The following ERN1 variants were observed in gnomAD, a reference collection of about 807,000 sequenced individuals.
The protein encoded by ERN1 is serine/threonine-protein kinase/endoribonuclease IRE1.
Under a neutral mutation model 113.1 loss-of-function variants are expected in ERN1, and 39 were observed. The observed-to-expected ratio is 0.34, with a 90% CI of 0.27 to 0.45. The LOEUF (loss-of-function observed/expected upper bound fraction) is 0.45, where lower values mean the gene tolerates loss of function less well. Ranked by LOEUF, ERN1 falls within the 20% of genes least tolerant of loss-of-function variation. The pLI, the probability that ERN1 is intolerant of heterozygous loss-of-function variation, is 1.00. For missense variants in ERN1, 976 were observed against 1,274.8 expected, an observed-to-expected ratio of 0.77 and a Z score of 3.57; for synonymous variants, 507 against 515.9, an observed-to-expected ratio of 0.98 and a Z score of 0.23.
intron 4 of ERN1, 60 bp from the exon 5 acceptor site, chr17:64,075,307 T>G (rs1913559357): frequency 5.8e-6 from 8 of 1,384,526 alleles, no homozygotes; most frequent in Non-Finnish European, 7.7e-6. Context: ...ATTATTACAA[T>G]TTTACCAGGC....
At chr17:64,046,735 G>C (rs752153551) in intron 19 of ERN1, among the ~76,000 whole-genome samples, 1 of 152,214 alleles carries the variant, frequency 6.6e-6, no homozygotes, top group Non-Finnish European at 1.5e-5. Context: ...TCAGACCCCA[G>C]GAGAGCATGA....
At chr17:64,074,568 C>T (rs1438942609) in intron 5 of ERN1, among the ~76,000 whole-genome samples, 1 of 152,192 alleles carries the variant, frequency 6.6e-6, no homozygotes, top group East Asian at 1.9e-4. Flanking sequence ...ACTTTCAGTT[C>T]CTCAAAAAGA....
intron 9 of ERN1, 76 bp from the exon 10 acceptor site, chr17:64,064,227 T>C (rs1158614649): frequency 1.9e-5 from 28 of 1,462,634 alleles, no homozygotes; most frequent in Non-Finnish European, 2.5e-5. Context: ...CCAGCCACTG[T>C]CCTGAAAGGT....
chr17:64,113,803 C>T (rs1914734885), intron 1 of ERN1, among the ~76,000 whole-genome samples: 1 of 152,168 alleles, frequency 6.6e-6, no homozygotes, highest in East Asian at 1.9e-4. Flanking sequence ...CTGCCTCAGC[C>T]TCCCGAGTAG....
At chr17:64,112,279 A>C (rs1446287024) in intron 1 of ERN1, among the ~76,000 whole-genome samples, 1 of 151,928 alleles carries the variant, frequency 6.6e-6, no homozygotes, top group Non-Finnish European at 1.5e-5. Context: ...GAGGCAGGAG[A>C]ATCACTTGAA....
At chr17:64,058,763 A>G (rs972739825) in intron 11 of ERN1, among the ~76,000 whole-genome samples, 1 of 152,092 alleles carries the variant, frequency 6.6e-6, no homozygotes, top group Non-Finnish European at 1.5e-5. Context: ...TGAATTTCCC[A>G]CATGCTAAAC....
intron 2 of ERN1, among the ~76,000 whole-genome samples, chr17:64,094,463 T>C (rs1418711805): frequency 6.6e-6 from 1 of 152,208 alleles, no homozygotes; most frequent in Non-Finnish European, 1.5e-5. Flanking sequence ...TTACTGACTA[T>C]AAATTTTGTT....
In ERN1 at chr17:64,040,208, G is replaced by C. The variant is rs114382118; in HGVS notation, c.*3780C>G. The C allele has an allele frequency of 6.6e-6, 1 of 152,164 alleles. No individual in the cohort carries two copies. Among genetic ancestry groups the C allele is most frequent in the Non-Finnish European group, 1.5e-5 (1 of 68,048 alleles). The allele number at this position is 152,164 out of a possible 1,614,324, so 9.4% of individuals were successfully genotyped here. A position where few individuals can be genotyped will look rare whatever the true frequency, so the allele number is the denominator to read the frequency against. ...CACTAAAAGAGCAGAGAGAGAAAGC[G>C]ACATGGGGGACTTAAAGAGGCTCCT... On this transcript the variant is annotated 3_prime_UTR_variant, in exon 22 of 22. Coordinates refer to ENST00000433197, the MANE Select transcript of ERN1 (RefSeq NM_001433.5).
At chr17:64,102,757 C>T (rs1200095000) in intron 1 of ERN1, 1 of 985,272 alleles carries the variant, frequency 1.0e-6, no homozygotes, top group East Asian at 1.1e-4. Flanking sequence ...GCTCACTTTT[C>T]TCTACAAGCA....
chr17:64,091,423 T>C (rs1914085866), intron 2 of ERN1, among the ~76,000 whole-genome samples: 1 of 152,188 alleles, frequency 6.6e-6, no homozygotes, highest in Non-Finnish European at 1.5e-5. Flanking sequence ...TCAAGTGCCT[T>C]GGACATTTAC....
rs1912792854 is a variant in ERN1, at chr17:64,054,527, T to G, written c.1764-88A>C. The stretch of plus-strand genomic sequence containing the variant: ...AGAACCTGGGTCCACAGCATTCACC[T>G]ACTGCCTCCCAGCCTAGAGAGCCCC... On this transcript the variant is annotated intron_variant, in intron 14 of 21. Transcript: ENST00000433197. The surrounding 1 kb of genome is among the most constrained non-coding windows in gnomAD (Gnocchi z 4.9). 3 of 1,307,502 alleles carry G rather than the reference T, an allele frequency of 2.3e-6. No homozygotes were observed. The Admixed American group carries it at 6.5e-5, about 28-fold the overall frequency. The allele number at this position is 1,307,502 out of a possible 1,614,324, so 81.0% of individuals were successfully genotyped here. A position where few individuals can be genotyped will look rare whatever the true frequency, so the allele number is the denominator to read the frequency against.
At chr17:64,045,649 G>A (rs1912489997) in intron 19 of ERN1, among the ~76,000 whole-genome samples, 167 bp from the exon 20 acceptor site, 1 of 152,118 alleles carries the variant, frequency 6.6e-6, no homozygotes. Context: ...CCTGTGAGCT[G>A]CTCTGTTCCT....
intron 1 of ERN1, among the ~76,000 whole-genome samples, chr17:64,119,182 TTAAA>T (rs1914885834): frequency 6.6e-6 from 1 of 152,002 alleles, no homozygotes; most frequent in South Asian, 2.1e-4. Context: ...TCGGGTAACT[TTAAA>T]TAAACATTTA....
chr17:64,093,089 G>A (rs1407114451), intron 2 of ERN1, among the ~76,000 whole-genome samples: 3 of 151,720 alleles, frequency 2.0e-5, no homozygotes, highest in East Asian at 3.9e-4. Context: ...ACTACAACAC[G>A]TTTGGCTGAG....
At position 64,054,498 on chromosome 17, in the gene ERN1, G is replaced by T; in HGVS notation, c.1764-59C>A. ...AGCACGAGTCAGGCTGTGTAAATGA[G>T]GTGAGAACCTGGGTCCACAGCATTC... On this transcript the variant is annotated intron_variant, in intron 14 of 21. Transcript: ENST00000433197. The surrounding 1 kb of genome is among the most constrained non-coding windows in gnomAD (Gnocchi z 4.9). The T allele has an allele frequency of 6.8e-7, 1 of 1,474,986 alleles. No homozygotes were observed. Among genetic ancestry groups the T allele is most frequent in the Non-Finnish European group, 9.2e-7 (1 of 1,087,244 alleles). The allele number at this position is 1,474,986 out of a possible 1,614,324, so 91.4% of individuals were successfully genotyped here.
intron 5 of ERN1, 147 bp from the exon 6 acceptor site, chr17:64,072,250 G>A (rs531962903): frequency 1.2e-6 from 1 of 812,346 alleles, no homozygotes; most frequent in South Asian, 1.8e-5. Context: ...AAATGGTAAT[G>A]CAGAGATAAT....
chr17:64,129,920 G>A (rs1183407656), intron 1 of ERN1, 56 bp downstream of exon 1: 3 of 1,352,944 alleles, frequency 2.2e-6, no homozygotes, highest in African/African-American at 1.5e-5. Context: ...ACGCTGCCCC[G>A]GCCCCGACCC....
At chr17:64,093,201 G>A (rs971107479) in intron 2 of ERN1, among the ~76,000 whole-genome samples, 7 of 152,022 alleles carry the variant, frequency 4.6e-5, no homozygotes, top group Admixed American at 4.6e-4. Context: ...GTAAACAGCC[G>A]AATGGAGTTG....
Position 64,049,122 on chromosome 17 carries a change from G to A in ERN1, c.2334C>T (p.Ser778=). 6.2e-6 allele frequency: 10 copies of A among 1,611,026 alleles called. No homozygotes were observed. Among genetic ancestry groups the A allele is most frequent in the Non-Finnish European group, 8.5e-6 (10 of 1,177,628 alleles). Residue 778 remains serine, a synonymous_variant, in exon 18 of 22, where the codon TCC becomes TCT. Transcript: ENST00000433197. The surrounding 1 kb of genome is among the most constrained non-coding windows in gnomAD (Gnocchi z 4.7). ...GGAGGATGTTGGCCTGCCGCTGCAG[G>A]GACTTGCCAAAAGGGTGGCTGCCCT... is the stretch of plus-strand genomic sequence containing the variant. ...ISEGSHPFGK[S]LQRQANILLG...
Sources: gnomAD v4.1 joint callset for allele counts (sites outside exome capture counted in the v4.1 genomes callset) on GRCh38, gnomAD v4.1.1 for gene constraint, Gnocchi (gnomAD v3.1) non-coding constraint, MANE v1.5 for transcripts, NCBI Gene and HGNC (gene_info 2026-07-23, HGNC 2026-07-21) for gene names.